GALNT13: variants seen among roughly 807,000 people sequenced by gnomAD.
GALNT13 encodes UDP-GalNAc:polypeptide N-acetylgalactosaminyltransferase 13.
In GALNT13, 28 loss-of-function variants were observed where a neutral mutation model predicts 64.2. That is an observed-to-expected ratio of 0.44 (90% CI 0.32 to 0.60). GALNT13 has a LOEUF of 0.60. Ranked by LOEUF, GALNT13 falls within the 20% of genes least tolerant of loss-of-function variation. GALNT13 has a pLI of 0.05. For synonymous variants in GALNT13, 214 were observed against 224.6 expected (o/e 0.95, Z 0.42); for missense variants, 577 against 669.8 (o/e 0.86, Z 1.53).
the GALNT13 span, among the ~76,000 whole-genome samples, chr2:153,129,998 C>T: frequency 2.6e-5 from 4 of 152,140 alleles, no homozygotes; most frequent in African/African-American, 9.7e-5. Context: ...CAGGCCTTTC[C>T]AGATCTGTCT....
intron 9 of GALNT13, among the ~76,000 whole-genome samples, chr2:154,367,286 T>A (rs760223736): frequency 6.6e-6 from 1 of 152,110 alleles, no homozygotes; most frequent in Non-Finnish European, 1.5e-5. Flanking sequence ...AAATGGATGA[T>A]AACTTTGTCA....
At chr2:153,703,693 T>A in the GALNT13 span, among the ~76,000 whole-genome samples, 1 of 152,184 alleles carries the variant, frequency 6.6e-6, no homozygotes, top group Admixed American at 6.6e-5. Context: ...GGTTTCTATG[T>A]TTAGCCTTAT....
chr2:153,297,097 T>A, the GALNT13 span, among the ~76,000 whole-genome samples: 134 of 152,294 alleles, frequency 8.8e-4, no homozygotes, highest in African/African-American at 3.1e-3. Flanking sequence ...CTTTGAAAAG[T>A]GAAAGCAGAC....
chr2:154,270,171 C>T (rs923535727), intron 8 of GALNT13, among the ~76,000 whole-genome samples: 1 of 151,350 alleles, frequency 6.6e-6, no homozygotes, highest in Admixed American at 6.6e-5. Context: ...ATTATAATAG[C>T]TTAAGGCATC....
At chr2:153,605,858 AG>A in the GALNT13 span, among the ~76,000 whole-genome samples, 2 of 152,104 alleles carry the variant, frequency 1.3e-5, no homozygotes, top group African/African-American at 4.8e-5. Flanking sequence ...AGCTCAGAAG[AG>A]AATAGGGAGT....
chr2:153,687,079 C>A, the GALNT13 span, among the ~76,000 whole-genome samples: 1 of 151,946 alleles, frequency 6.6e-6, no homozygotes, highest in Non-Finnish European at 1.5e-5. Flanking sequence ...TGAAGTTTAT[C>A]AAGGATATCG....
the GALNT13 span, among the ~76,000 whole-genome samples, chr2:153,522,783 A>T: frequency 6.6e-6 from 1 of 152,036 alleles, no homozygotes; most frequent in East Asian, 1.9e-4. Flanking sequence ...GTCTTTTCCA[A>T]ATATTTTCTC....
chr2:154,013,363 C>T (rs1008758495), intron 3 of GALNT13, among the ~76,000 whole-genome samples: 6 of 152,034 alleles, frequency 3.9e-5, no homozygotes, highest in South Asian at 2.1e-4. Context: ...ATGACCCTGA[C>T]GGCTAGAAGT....
At chr2:154,359,031 T>A (rs757241137) in intron 9 of GALNT13, among the ~76,000 whole-genome samples, 11 of 152,156 alleles carry the variant, frequency 7.2e-5, no homozygotes, top group Non-Finnish European at 1.3e-4. Flanking sequence ...GAACCTAGTC[T>A]TATCTGTCCT....
intron 9 of GALNT13, among the ~76,000 whole-genome samples, chr2:154,343,498 A>G (rs769115286): frequency 1.2e-4 from 19 of 152,080 alleles, no homozygotes; most frequent in Non-Finnish European, 2.5e-4. Flanking sequence ...ATTATACAAT[A>G]GAGTGCTAGA....
chr2:153,752,805 C>A, the GALNT13 span, among the ~76,000 whole-genome samples: 3 of 151,966 alleles, frequency 2.0e-5, no homozygotes, highest in Admixed American at 2.0e-4. Flanking sequence ...TTGGGAAGTT[C>A]TCTGTTATTA....
chr2:153,472,235 G>C, the GALNT13 span, among the ~76,000 whole-genome samples: 1 of 144,620 alleles, frequency 6.9e-6, no homozygotes, highest in Non-Finnish European at 1.5e-5. Context: ...AATGAAAGAG[G>C]AATTGGTGAG....
chr2:153,771,828 C>G, the GALNT13 span, among the ~76,000 whole-genome samples: 1 of 152,030 alleles, frequency 6.6e-6, no homozygotes. Context: ...TGGGAATATG[C>G]CTGGGTGTGA....
chr2:153,302,674 T>G, the GALNT13 span, among the ~76,000 whole-genome samples: 1 of 152,290 alleles, frequency 6.6e-6, no homozygotes, highest in South Asian at 2.1e-4. Context: ...TTCTAGTAGT[T>G]TTACAACTTC....
At chr2:153,271,551 A>T in the GALNT13 span, among the ~76,000 whole-genome samples, 1 of 152,196 alleles carries the variant, frequency 6.6e-6, no homozygotes, top group Non-Finnish European at 1.5e-5. Flanking sequence ...TAGGAATGCA[A>T]CTTATAAGGG....
chr2:153,910,996 A>ATCTGTCCAGTACTGTCAGTGGAG (rs1688899614), intron 2 of GALNT13, among the ~76,000 whole-genome samples: 1 of 152,154 alleles, frequency 6.6e-6, no homozygotes, highest in Non-Finnish European at 1.5e-5. Flanking sequence ...CGCCTTGATG[A>ATCTGTCCAGTACTGTCAGTGGAG]TCTGTCCAGT....
chr2:153,578,262 T>A, the GALNT13 span, among the ~76,000 whole-genome samples: 1 of 152,190 alleles, frequency 6.6e-6, no homozygotes, highest in African/African-American at 2.4e-5. Flanking sequence ...ATCAATTTTA[T>A]CTTAGGCAAA....
chr2:153,170,977 T>A, the GALNT13 span, among the ~76,000 whole-genome samples: 3 of 152,252 alleles, frequency 2.0e-5, no homozygotes, highest in Non-Finnish European at 4.4e-5. Context: ...AATTATTTTT[T>A]AAAATTCCAT....
the GALNT13 span, among the ~76,000 whole-genome samples, chr2:153,328,595 G>T: frequency 6.6e-6 from 1 of 152,166 alleles, no homozygotes; most frequent in East Asian, 1.9e-4. Context: ...CGGTGGCTTT[G>T]TTTACATTGT....
Sources: allele counts gnomAD v4.1 joint callset (sites outside exome capture counted in the v4.1 genomes callset), GRCh38; gene constraint gnomAD v4.1.1; transcripts MANE v1.5; gene names NCBI Gene and HGNC (gene_info 2026-07-23, HGNC 2026-07-21).